DMD: variants seen among roughly 807,000 people sequenced by gnomAD.
DMD encodes the protein mutant dystrophin.
In DMD, 63 loss-of-function variants were observed where a neutral mutation model predicts 330.1. That is an observed-to-expected ratio of 0.19 (90% CI 0.16 to 0.24). DMD has a LOEUF of 0.24. Among genes scored for constraint, DMD ranks in the 10% least tolerant of loss-of-function variants. DMD has a pLI of 1.00. For synonymous variants in DMD, 1,223 were observed against 959.8 expected (o/e 1.27, Z -5.07); for missense variants, 3,344 against 2,684.1 (o/e 1.25, Z -5.43).
chrX:31,828,611 C>G (rs758873344), intron 49 of DMD, among the ~76,000 whole-genome samples: 2 of 102,937 alleles, frequency 1.9e-5, no homozygotes, highest in East Asian at 6.1e-4. Flanking sequence ...TTGCAGTGAG[C>G]CAAGATCATG....
chrX:32,398,267 C>T (rs1423671506), intron 30 of DMD, among the ~76,000 whole-genome samples: 4 of 95,975 alleles, frequency 4.2e-5, no homozygotes, highest in South Asian at 1.3e-3. Context: ...TTTTAAACCC[C>T]CCCCCCCAAG....
At chrX:33,269,549 A>T (rs2053115792) in intron 1 of DMD, among the ~76,000 whole-genome samples, 1 of 111,283 alleles carries the variant, frequency 9.0e-6, no homozygotes, top group Non-Finnish European at 1.9e-5. Flanking sequence ...CCCTGTATGT[A>T]AAATAAAAGT....
At chrX:31,597,018 G>T (rs1292596910) in intron 55 of DMD, among the ~76,000 whole-genome samples, 3 of 112,637 alleles carry the variant, frequency 2.7e-5, no homozygotes, top group Non-Finnish European at 3.8e-5. Context: ...TTTGCCTCAA[G>T]AACTTTAGTT....
chrX:31,994,310 T>A (rs754720485), intron 44 of DMD, among the ~76,000 whole-genome samples: 20 of 111,973 alleles, frequency 1.8e-4, no homozygotes, highest in African/African-American at 6.2e-4. Flanking sequence ...TTTGTGCCTT[T>A]GTATGCAAAC....
At chrX:32,236,994 C>T (rs187680555) in intron 43 of DMD, among the ~76,000 whole-genome samples, 52 of 111,158 alleles carry the variant, frequency 4.7e-4, no homozygotes, top group African/African-American at 1.5e-3. Context: ...TTTAGTATTG[C>T]AAATATACTA....
intron 67 of DMD, among the ~76,000 whole-genome samples, chrX:31,186,720 G>GAA (rs970516924): frequency 3.6e-5 from 4 of 111,486 alleles, no homozygotes; most frequent in African/African-American, 1.3e-4. Context: ...GTACTTTGTG[G>GAA]AAAAAAAAGT....
rs780388821 is a variant in DMD, at chrX:32,947,431, C to A, written c.93+72708G>T. Reference sequence around the variant, plus strand: ...GACATCATTTGGGGCCACTTTCCCTCTGAAAGACAATTCTAATTGCATTTA... The same window carrying A: ...GACATCATTTGGGGCCACTTTCCCTATGAAAGACAATTCTAATTGCATTTA... On this transcript the variant is annotated intron_variant, in intron 2 of 78. Coordinates refer to ENST00000357033, the MANE Select transcript of DMD (RefSeq NM_004006.3). Among the ~76,000 whole-genome samples, 8 of 111,991 alleles carry A rather than the reference C, an allele frequency of 7.1e-5. No homozygotes were observed. In the South Asian group the frequency reaches 1.1e-3, roughly 15 times the overall value.
At chrX:31,929,181 G>A (rs1402166461) in intron 47 of DMD, among the ~76,000 whole-genome samples, 1 of 111,835 alleles carries the variant, frequency 8.9e-6, no homozygotes, top group African/African-American at 3.2e-5. Context: ...GAACGTTAGT[G>A]TACATTAATT....
intron 5 of DMD, among the ~76,000 whole-genome samples, chrX:32,817,139 C>T (rs760814973): frequency 3.8e-4 from 43 of 111,743 alleles, no homozygotes; most frequent in Admixed American, 9.5e-4. Flanking sequence ...GTGTATCTTA[C>T]ATGCAAGGTT....
At position 33,186,571 on chromosome X, in the gene DMD, A is replaced by G. The variant is rs73623916; in HGVS notation, c.31+24711T>C. Among the ~76,000 whole-genome samples the G allele has an allele frequency of 6.0e-3, 671 of 111,718 alleles. 1 individual carries two copies. The highest frequency in any genetic ancestry group is 0.021 in the African/African-American group (635 of 30,829). ...CAGGAACTTCTAAATGAAAGATTTAAAAGTATTTATCTACCCCAAAGACTA... is the reference window on the plus strand; with the variant it reads ...CAGGAACTTCTAAATGAAAGATTTAGAAGTATTTATCTACCCCAAAGACTA... On this transcript the variant is annotated intron_variant, in intron 1 of 78. Coordinates refer to ENST00000357033, the MANE Select transcript of DMD (RefSeq NM_004006.3).
chrX:32,206,383 TTGA>T, intron 44 of DMD: 8 of 512,116 alleles, frequency 1.6e-5, no homozygotes, highest in East Asian at 7.5e-5. Context: ...GATGATGATT[TTGA>T]TGATGATGAT....
chrX:32,364,911 C>T (rs1345661423), intron 35 of DMD, 109 bp downstream of exon 35: 1 of 859,882 alleles, frequency 1.2e-6, no homozygotes, highest in Non-Finnish European at 1.7e-6. Context: ...TAAGAGCCAG[C>T]ATATACGTAG....
chrX:31,579,239 G>A (rs1335613756), intron 55 of DMD, among the ~76,000 whole-genome samples: 1 of 112,357 alleles, frequency 8.9e-6, no homozygotes, highest in Non-Finnish European at 1.9e-5. Flanking sequence ...TAAGCCAGAA[G>A]ACAGGTGAGA....
At chrX:32,535,148 T>G (rs916608255) in intron 17 of DMD, among the ~76,000 whole-genome samples, 1 of 111,575 alleles carries the variant, frequency 9.0e-6, no homozygotes, top group African/African-American at 3.3e-5. Context: ...GAAGGCCATA[T>G]ACATTCCATT....
In DMD at chrX:31,121,567, G is replaced by A. The variant is rs968875146; in HGVS notation, c.*352C>T. On this transcript the variant is annotated 3_prime_UTR_variant, in exon 79 of 79. Transcript: ENST00000357033. ...TAAATTTTTAAACAACCCAAAATGCGTTCCATATAAAGAAATGGCAAGTTA... is the reference window on the plus strand; with the variant it reads ...TAAATTTTTAAACAACCCAAAATGCATTCCATATAAAGAAATGGCAAGTTA... The A allele has an allele frequency of 8.7e-5, 23 of 264,144 alleles. No individual in the cohort carries two copies. The highest frequency in any genetic ancestry group is 4.3e-4 in the Admixed American group (7 of 16,438). The allele number at this position is 264,144 out of a possible 1,213,427, so 21.8% of individuals were successfully genotyped here. A position where few individuals can be genotyped will look rare whatever the true frequency, so the allele number is the denominator to read the frequency against.
chrX:33,010,569 C>A (rs2093683556), intron 2 of DMD, among the ~76,000 whole-genome samples: 3 of 110,170 alleles, frequency 2.7e-5, no homozygotes, highest in African/African-American at 9.9e-5. Context: ...ATATTCCAAA[C>A]GAAAATCCAA....
chrX:31,151,262 A>G (rs778778450), intron 74 of DMD, among the ~76,000 whole-genome samples: 10 of 112,411 alleles, frequency 8.9e-5, no homozygotes, highest in Non-Finnish European at 1.7e-4. Flanking sequence ...ATTACTTTCT[A>G]TTTTTCCCTC....
intron 16 of DMD, among the ~76,000 whole-genome samples, chrX:32,563,510 A>G (rs984743270): frequency 9.0e-6 from 1 of 111,188 alleles, no homozygotes; most frequent in Non-Finnish European, 1.9e-5. Flanking sequence ...GAAGAGATAC[A>G]TGCTGTAATG....
At chrX:31,154,085 AG>A (rs1425493383) in intron 74 of DMD, among the ~76,000 whole-genome samples, 1 of 111,651 alleles carries the variant, frequency 9.0e-6, no homozygotes, top group Non-Finnish European at 1.9e-5. Context: ...TATTTTTGTT[AG>A]GGGTTGGGAA....
Sources: gnomAD v4.1 joint callset for allele counts (sites outside exome capture counted in the v4.1 genomes callset) on GRCh38, gnomAD v4.1.1 for gene constraint, MANE v1.5 for transcripts, NCBI Gene and HGNC (gene_info 2026-07-23, HGNC 2026-07-21) for gene names.